Variants in AHDC1 observed in about 807,000 individuals in gnomAD.
The protein encoded by AHDC1 is AT-hook DNA binding motif containing 1.
A neutral mutation model predicts 87.9 loss-of-function variants in AHDC1; 7 were observed. That is an observed-to-expected ratio of 0.08 (90% confidence interval 0.05 to 0.15). The LOEUF (loss-of-function observed/expected upper bound fraction) is 0.15, where lower values mean the gene tolerates loss of function less well. AHDC1 is among the 10% of genes least tolerant of loss of function. The pLI is 1.00. For missense variants in AHDC1, 1,841 were observed against 2,253.2 expected, an observed-to-expected ratio of 0.82 and a Z score of 3.70; for synonymous variants, 1,051 against 1,006.8, an observed-to-expected ratio of 1.04 and a Z score of -0.83.
In AHDC1 at chr1:27,548,462, G is replaced by C. The variant is rs1186051331; in HGVS notation, c.3654C>G (p.Asn1218Lys). 6.2e-7 allele frequency: 1 copy of C among 1,613,896 alleles called. No homozygotes were observed. The highest frequency in any genetic ancestry group is 8.5e-7 in the Non-Finnish European group (1 of 1,180,024). The stretch of plus-strand genomic sequence containing the variant: ...TCTGAAAGAGGACACTCTGGTTCCA[G>C]TTGTAGCCGGGGGCAGATGATGCCT... ...WNEASSAPGY[N>K]WNQSVLFQSS... Residue 1218 changes from asparagine to lysine, a missense_variant, in exon 8 of 9, where the codon AAC becomes AAG. By Grantham distance (94) the Asn-to-Lys change is moderately conservative (BLOSUM62 0). Around this residue, in one of 13 missense-constraint regions of AHDC1, gnomAD observed 505 missense variants for 626.2 expected, o/e 0.81. Coordinates refer to ENST00000673934, the MANE Select transcript of AHDC1 (RefSeq NM_001371928.1).
At chr1:27,591,958 G>C (rs1439867504) in intron 3 of AHDC1, among the ~76,000 whole-genome samples, 1 of 152,180 alleles carries the variant, frequency 6.6e-6, no homozygotes, top group Non-Finnish European at 1.5e-5. Flanking sequence ...CAGGGAGAAG[G>C]GGGAAGAGGG....
At chr1:27,584,876 C>G (rs1041192478) in intron 3 of AHDC1, among the ~76,000 whole-genome samples, 7 of 152,006 alleles carry the variant, frequency 4.6e-5, no homozygotes, top group African/African-American at 1.7e-4. Context: ...CTTAGGGCAT[C>G]AAGGGGGCAG....
In AHDC1 at chr1:27,562,325, G is replaced by A. The variant is rs866114793; in HGVS notation, c.-628-3442C>T. ...GGTTCAGAAATCCAATATCCTCCCCGGTGCACTGATCGACTGACTACCTGA... is the reference window on the plus strand; with the variant it reads ...GGTTCAGAAATCCAATATCCTCCCCAGTGCACTGATCGACTGACTACCTGA... On this transcript the variant is annotated intron_variant, in intron 3 of 8. Transcript: ENST00000673934. This position sits in a 1 kb window ranked among gnomAD's most constrained non-coding sequence, Gnocchi z 4.4. Among the ~76,000 whole-genome samples the A allele has an allele frequency of 6.6e-6, 1 of 152,068 alleles. No homozygotes were observed. Among genetic ancestry groups the A allele is most frequent in the East Asian group, 1.9e-4 (1 of 5,188 alleles).
intron 3 of AHDC1, among the ~76,000 whole-genome samples, chr1:27,592,224 C>T (rs1365925447): frequency 2.0e-5 from 3 of 152,172 alleles, no homozygotes; most frequent in Non-Finnish European, 4.4e-5. Context: ...TGCAACAGGC[C>T]ACCAGCCAGG....
At chr1:27,566,117 C>A (rs1299905605) in intron 3 of AHDC1, among the ~76,000 whole-genome samples, 1 of 152,136 alleles carries the variant, frequency 6.6e-6, no homozygotes, top group African/African-American at 2.4e-5. Context: ...GTAAGGAGAA[C>A]TGAAAGGCCC....
intron 3 of AHDC1, among the ~76,000 whole-genome samples, chr1:27,601,647 G>C (rs1221469768): frequency 6.6e-6 from 1 of 152,234 alleles, no homozygotes; most frequent in Non-Finnish European, 1.5e-5. Context: ...GCTCAAAGGA[G>C]GGAGATGGCA....
At chr1:27,600,832 CAGCCCAGATCTA>C (rs752261937) in intron 3 of AHDC1, among the ~76,000 whole-genome samples, 44 of 152,302 alleles carry the variant, frequency 2.9e-4, no homozygotes, top group Non-Finnish European at 5.6e-4. Context: ...AGAAGCCTCC[CAGCCCAGATCTA>C]AGCCCATGCA....
chr1:27,574,953 A>C (rs150781954), intron 3 of AHDC1, among the ~76,000 whole-genome samples: 175 of 152,340 alleles, frequency 1.1e-3, no homozygotes, highest in Middle Eastern at 3.4e-3. Flanking sequence ...GCTCTCAAAG[A>C]AAGCTACTGT....
intron 3 of AHDC1, among the ~76,000 whole-genome samples, chr1:27,589,585 G>A (rs764035733): frequency 4.6e-5 from 7 of 152,136 alleles, no homozygotes; most frequent in Non-Finnish European, 1.0e-4. Flanking sequence ...TCTAGGCTTC[G>A]GTGTATCTAA....
intron 3 of AHDC1, among the ~76,000 whole-genome samples, chr1:27,579,767 T>C (rs2088858281): frequency 6.6e-6 from 1 of 152,256 alleles, no homozygotes; most frequent in African/African-American, 2.4e-5. Context: ...CAAGGTGCAA[T>C]GGCAGAGTTA....
intron 5 of AHDC1, among the ~76,000 whole-genome samples, chr1:27,555,197 A>C (rs974822874): frequency 6.6e-6 from 1 of 152,230 alleles, no homozygotes; most frequent in Non-Finnish European, 1.5e-5. Flanking sequence ...CCCAGGCCCT[A>C]GTCCAGGGGA....
chr1:27,565,062 C>A lies in AHDC1; in HGVS notation c.-628-6179G>T, dbSNP rs1230068460. The stretch of plus-strand genomic sequence containing the variant: ...GGGGGCCCTGGGGGACTGAGTAAAG[C>A]GTGGCGACAGATGGCCTGCCGAGGC... On this transcript the variant is annotated intron_variant, in intron 3 of 8. Transcript: ENST00000673934. This position sits in a 1 kb window ranked among gnomAD's most constrained non-coding sequence, Gnocchi z 4.6. Among the ~76,000 whole-genome samples the A allele has an allele frequency of 6.6e-6, 1 of 152,182 alleles. No homozygotes were observed. Among genetic ancestry groups the A allele is most frequent in the East Asian group, 1.9e-4 (1 of 5,188 alleles).
rs766550931 is a variant in AHDC1 at position 27,550,726 on chromosome 1, G to A, written c.1390C>T (p.Arg464Cys). The change falls in exon 8 of 9, where the codon CGC (arginine) becomes TGC (cysteine). Residue 464 changes from arginine to cysteine, a missense_variant. Coordinates refer to ENST00000673934, the MANE Select transcript of AHDC1 (RefSeq NM_001371928.1). ...CGCACGCCCCGGCACTTGCCTTTGC[G>A]GGTAGAGACCACTGGGGTCTGGGAA... ...ESSQTPVVST[R>C]KGKCRGVRRM... is the part of the protein sequence containing the mutation. 9 of 1,597,198 alleles carry A rather than the reference G, an allele frequency of 5.6e-6. No individual in the cohort carries two copies. The highest frequency in any genetic ancestry group is 1.8e-5 in the Admixed American group (1 of 57,020).
chr1:27,574,917 C>T (rs562728341), intron 3 of AHDC1, among the ~76,000 whole-genome samples: 1 of 152,214 alleles, frequency 6.6e-6, no homozygotes, highest in Non-Finnish European at 1.5e-5. Context: ...CTTCTCTGGA[C>T]TCTGGGGCCT....
Position 27,548,818 on chromosome 1 carries a change from G to A in AHDC1, c.3298C>T (p.Arg1100Trp), listed in dbSNP as rs989125719. ...SSFQPSPENC[R>W]QFAGASQWPF... ...CACTGAGAAGCCCCCGCAAACTGCC[G>A]ACAGTTCTCGGGCGAGGGCTGGAAG... Residue 1100 changes from arginine to tryptophan, a missense_variant, in exon 8 of 9, where the codon CGG (arginine) becomes TGG (tryptophan). Arg to Trp is a moderately radical substitution (Grantham distance 101). Around this residue, in one of 13 missense-constraint regions of AHDC1, gnomAD observed 378 missense variants for 399.0 expected, o/e 0.95. Transcript: ENST00000673934. 100 of 1,612,862 alleles carry A rather than the reference G, an allele frequency of 6.2e-5. No individual in the cohort carries two copies. The highest frequency in any genetic ancestry group is 8.0e-5 in the Non-Finnish European group (94 of 1,179,904).
chr1:27,576,564 C>T (rs2088756944), intron 3 of AHDC1, among the ~76,000 whole-genome samples: 1 of 152,194 alleles, frequency 6.6e-6, no homozygotes, highest in African/African-American at 2.4e-5. Context: ...AGTGACCCAC[C>T]AAAGGTCACA....
intron 3 of AHDC1, among the ~76,000 whole-genome samples, chr1:27,599,980 G>A (rs941425767): frequency 2.6e-5 from 4 of 151,940 alleles, no homozygotes; most frequent in African/African-American, 9.7e-5. Flanking sequence ...CTGATCTTGG[G>A]TGAGAGGACC....
Position 27,548,883 on chromosome 1 carries a change from G to A in AHDC1, c.3233C>T (p.Ala1078Val). The A allele has an allele frequency of 6.2e-7, 1 of 1,611,366 alleles. No homozygotes were observed. Among genetic ancestry groups the A allele is most frequent in the Non-Finnish European group, 8.5e-7 (1 of 1,179,110 alleles). Residue 1078 changes from alanine to valine, a missense_variant, in exon 8 of 9, where the codon GCC becomes GTC. Ala to Val is a moderately conservative substitution (Grantham distance 64). This residue lies in a region of AHDC1 where 378 missense variants were observed against 399.0 expected (regional missense o/e 0.95). Transcript: ENST00000673934. ...GGAGGCGGCAGAGGCTGCAGAGGTG[G>A]CAGAGGCTGTGGTGCCCTTGGGTAC... Reference protein sequence around the residue: ...YMVPKGTTASATSAASAASSS... With the variant: ...YMVPKGTTASVTSAASAASSS...
In AHDC1 at chr1:27,561,793, G is replaced by A. The variant is rs543885202; in HGVS notation, c.-628-2910C>T. 6.6e-6 allele frequency among the ~76,000 whole-genome samples: 1 copy of A among 152,214 alleles called. No homozygotes were observed. Among genetic ancestry groups the A allele is most frequent in the East Asian group, 1.9e-4 (1 of 5,188 alleles). On this transcript the variant is annotated intron_variant, in intron 3 of 8. Coordinates refer to ENST00000673934, the MANE Select transcript of AHDC1 (RefSeq NM_001371928.1). The surrounding 1 kb of genome is among the most constrained non-coding windows in gnomAD (Gnocchi z 4.2). ...ACAGAGACATGGGGAGAGAAACAGAGACAGAGAGACAGAGAAAGACAGAAA... is the reference window on the plus strand; with the variant it reads ...ACAGAGACATGGGGAGAGAAACAGAAACAGAGAGACAGAGAAAGACAGAAA...
Sources: gnomAD v4.1 joint callset for allele counts (sites outside exome capture counted in the v4.1 genomes callset) on GRCh38, gnomAD v4.1.1 for gene constraint, gnomAD v4.1.1 regional missense constraint, Gnocchi (gnomAD v3.1) non-coding constraint, MANE v1.5 for transcripts, NCBI Gene and HGNC (gene_info 2026-07-23, HGNC 2026-07-21) for gene names.